TBC1D5: variants seen among roughly 807,000 people sequenced by gnomAD.
TBC1D5 encodes the protein TBC1 domain family, member 5.
TBC1D5 carries 75 observed loss-of-function variants against 100.3 expected under a neutral mutation model. The ratio of observed to expected loss-of-function variants is 0.75; its 90% confidence interval spans 0.62 to 0.91. The LOEUF is 0.91. Ranked by LOEUF, TBC1D5 falls within the 40% of genes least tolerant of loss-of-function variation. The pLI is 0.00. For synonymous variants in TBC1D5, 323 were observed against 325.6 expected (o/e 0.99, Z 0.09); for missense variants, 910 against 942.4 (o/e 0.97, Z 0.45).
intron 17 of TBC1D5, among the ~76,000 whole-genome samples, chr3:17,220,700 A>G (rs562140853): frequency 6.6e-6 from 1 of 151,922 alleles, no homozygotes; most frequent in African/African-American, 2.4e-5. Flanking sequence ...CCTTTCATGA[A>G]TTTTCTCCTT....
At chr3:17,507,921 G>T (rs1280372976) in intron 3 of TBC1D5, among the ~76,000 whole-genome samples, 1 of 151,238 alleles carries the variant, frequency 6.6e-6, no homozygotes, top group Non-Finnish European at 1.5e-5. Flanking sequence ...ATTTTTATAG[G>T]GTAGAACCTG....
chr3:17,663,961 A>G (rs140940341), intron 1 of TBC1D5, among the ~76,000 whole-genome samples: 3 of 152,366 alleles, frequency 2.0e-5, no homozygotes, highest in Admixed American at 1.3e-4. Flanking sequence ...TAAAAAACTT[A>G]TAAAACACAA....
intron 15 of TBC1D5, among the ~76,000 whole-genome samples, chr3:17,264,851 C>T (rs577484450): frequency 3.9e-5 from 6 of 152,266 alleles, no homozygotes; most frequent in African/African-American, 1.4e-4. Flanking sequence ...GTTTTGATAC[C>T]ACTGAGCACT....
intron 2 of TBC1D5, among the ~76,000 whole-genome samples, chr3:17,593,521 C>T (rs952226362): frequency 2.6e-5 from 4 of 152,168 alleles, no homozygotes; most frequent in African/African-American, 9.7e-5. Context: ...ACCTGTTCCA[C>T]GATGGAAAGG....
intron 2 of TBC1D5, among the ~76,000 whole-genome samples, chr3:17,531,258 C>A (rs1354581397): frequency 6.6e-6 from 1 of 152,058 alleles, no homozygotes; most frequent in African/African-American, 2.4e-5. Flanking sequence ...AATAAAATAC[C>A]TAGGAATCAA....
At chr3:17,238,398 G>T (rs769663922) in exon 17 of TBC1D5, 1 of 1,613,264 alleles carries the variant, frequency 6.2e-7, no homozygotes. Flanking sequence ...TTATATTCAG[G>T]GGAGCACCTT....
chr3:17,352,689 A>AAAAAAC (rs938882442), intron 13 of TBC1D5, among the ~76,000 whole-genome samples: 1 of 150,864 alleles, frequency 6.6e-6, no homozygotes, highest in African/African-American at 2.4e-5. Flanking sequence ...AAGGCAAAAA[A>AAAAAAC]AAAAAAAAAA....
chr3:17,390,470 A>G (rs2093319404), intron 8 of TBC1D5, among the ~76,000 whole-genome samples: 1 of 152,132 alleles, frequency 6.6e-6, no homozygotes, highest in Non-Finnish European at 1.5e-5. Context: ...GAAGTATTAA[A>G]ACAGACAAAG....
chr3:17,596,554 G>A (rs1165880706), intron 2 of TBC1D5, among the ~76,000 whole-genome samples: 5 of 151,108 alleles, frequency 3.3e-5, no homozygotes, highest in Non-Finnish European at 5.9e-5. Context: ...TCCTGACCTC[G>A]TGATCCGCCC....
At chr3:17,504,376 G>A (rs1018309103) in intron 3 of TBC1D5, among the ~76,000 whole-genome samples, 4 of 151,074 alleles carry the variant, frequency 2.6e-5, no homozygotes, top group African/African-American at 9.7e-5. Flanking sequence ...CATAGCACAT[G>A]TATACATATG....
At chr3:17,706,063 T>C in intron 1 of TBC1D5, 7 of 1,595,384 alleles carry the variant, frequency 4.4e-6, no homozygotes, top group Non-Finnish European at 6.0e-6. Flanking sequence ...GCCTACTGAT[T>C]TCCCCCGACC....
At chr3:17,502,932 T>C (rs914867792) in intron 3 of TBC1D5, among the ~76,000 whole-genome samples, 3 of 149,702 alleles carry the variant, frequency 2.0e-5, no homozygotes, top group African/African-American at 7.6e-5. Context: ...TCCACTTCTA[T>C]TTCCATTGAT....
At chr3:17,291,208 T>G (rs752305361) in intron 15 of TBC1D5, among the ~76,000 whole-genome samples, 6 of 152,266 alleles carry the variant, frequency 3.9e-5, no homozygotes, top group Non-Finnish European at 2.9e-5. Flanking sequence ...CCAATATTTT[T>G]GTTTGGCTCA....
chr3:17,459,060 C>A (rs1338993309), intron 3 of TBC1D5, among the ~76,000 whole-genome samples: 4 of 152,080 alleles, frequency 2.6e-5, no homozygotes, highest in African/African-American at 9.7e-5. Flanking sequence ...ATTTATTTTC[C>A]ATTAAGTTTA....
chr3:17,354,451 C>T (rs938978358), intron 13 of TBC1D5, among the ~76,000 whole-genome samples: 3 of 152,090 alleles, frequency 2.0e-5, no homozygotes, highest in South Asian at 2.1e-4. Flanking sequence ...AATCTCTTCT[C>T]CCCTTGAAAA....
At chr3:17,434,408 G>A (rs185621379) in intron 3 of TBC1D5, among the ~76,000 whole-genome samples, 1 of 152,342 alleles carries the variant, frequency 6.6e-6, no homozygotes, top group Admixed American at 6.5e-5. Context: ...CAATGTGAAA[G>A]CTGCCAAGGC....
At chr3:17,646,089 C>A (rs550217092) in intron 1 of TBC1D5, among the ~76,000 whole-genome samples, 4 of 152,018 alleles carry the variant, frequency 2.6e-5, no homozygotes, top group African/African-American at 9.7e-5. Flanking sequence ...AGGATGGGCC[C>A]AAACCCAATA....
chr3:17,301,899 G>A (rs2082882939), intron 14 of TBC1D5, among the ~76,000 whole-genome samples: 1 of 152,144 alleles, frequency 6.6e-6, no homozygotes, highest in Admixed American at 6.5e-5. Context: ...AACTATTACA[G>A]GAGTAATGGT....
chr3:17,656,228 A>T (rs2066048429), intron 1 of TBC1D5, among the ~76,000 whole-genome samples: 1 of 152,188 alleles, frequency 6.6e-6, no homozygotes, highest in Admixed American at 6.5e-5. Context: ...AGCAACAATA[A>T]ATCGGACATT....
Sources: gnomAD v4.1 joint callset for allele counts (sites outside exome capture counted in the v4.1 genomes callset) on GRCh38, gnomAD v4.1.1 for gene constraint, MANE v1.5 for transcripts, NCBI Gene and HGNC (gene_info 2026-07-23, HGNC 2026-07-21) for gene names.